UBTD2: variants seen among roughly 807,000 people sequenced by gnomAD.
UBTD2 encodes ubiquitin domain-containing protein 2.
A neutral mutation model predicts 19.8 loss-of-function variants in UBTD2; 9 were observed. That is an observed-to-expected ratio of 0.46 (90% CI 0.27 to 0.79). The LOEUF is 0.79. Among genes scored for constraint, UBTD2 ranks in the 30% least tolerant of loss-of-function variants. The pLI is 0.14. For synonymous variants in UBTD2, 98 were observed against 103.9 expected (o/e 0.94, Z 0.35); for missense variants, 250 against 300.4 (o/e 0.83, Z 1.24).
At chr5:172,234,959 G>A (rs543589363) in intron 1 of UBTD2, among the ~76,000 whole-genome samples, 1 of 146,376 alleles carries the variant, frequency 6.8e-6, no homozygotes, top group African/African-American at 2.5e-5. Flanking sequence ...TGTAATGAAT[G>A]TACCACTCTG....
In UBTD2 at chr5:172,254,848, T is replaced by C. The variant is rs1179744357; in HGVS notation, c.71-20490A>G. 1.3e-5 allele frequency: 7 copies of C among 542,420 alleles called. No homozygotes were observed. The African/African-American group carries it at 1.4e-4, about 11-fold the overall frequency. 33.6% of individuals were successfully genotyped at this position (542,420 alleles called of 1,614,324 possible). On this transcript the variant is annotated intron_variant, in intron 1 of 2. Coordinates refer to ENST00000393792, the MANE Select transcript of UBTD2 (RefSeq NM_152277.3). ...TTTTCTCTGGTACAGGATTTTCTTA[T>C]GATTCAATTACAGGTACTTGCATGC...
intron 1 of UBTD2, among the ~76,000 whole-genome samples, chr5:172,251,465 C>CAAAAAAAAAAAAAAAAAAAAAAAAA: frequency 1.1e-5 from 1 of 91,954 alleles, no homozygotes; most frequent in Non-Finnish European, 2.2e-5. Flanking sequence ...TCAAACTGTC[C>CAAAAAAAAAAAAAAAAAAAAAAAAA]AAAAAAAAAA....
At position 172,211,177 on chromosome 5, in the gene UBTD2, A is replaced by G. The variant is rs955407838; in HGVS notation, c.*653T>C. ...TGCCACTAATGTGCTGGAAGGCACC[A>G]AAATTTAGTGTGAATGTAAATAAGG... On this transcript the variant is annotated 3_prime_UTR_variant, in exon 3 of 3. Transcript: ENST00000393792. 1 of 152,218 alleles carries G rather than the reference A, an allele frequency of 6.6e-6. No homozygotes were observed. Among genetic ancestry groups the G allele is most frequent in the African/African-American group, 2.4e-5 (1 of 41,460 alleles). 9.4% of individuals were successfully genotyped at this position (152,218 alleles called of 1,614,324 possible). A position where few individuals can be genotyped will look rare whatever the true frequency, so the allele number is the denominator to read the frequency against.
intron 2 of UBTD2, among the ~76,000 whole-genome samples, chr5:172,224,705 G>T (rs552987538): frequency 1.3e-4 from 20 of 152,274 alleles, no homozygotes; most frequent in African/African-American, 1.9e-4. Context: ...CATCATGATT[G>T]TAAGTTTCCT....
intron 2 of UBTD2, 61 bp downstream of exon 2, chr5:172,234,061 T>G: frequency 6.4e-7 from 1 of 1,562,080 alleles, no homozygotes; most frequent in East Asian, 2.3e-5. Context: ...CCATTTGGTT[T>G]CTTGCTATCA....
At chr5:172,229,633 A>G (rs974798585) in intron 2 of UBTD2, among the ~76,000 whole-genome samples, 1 of 152,158 alleles carries the variant, frequency 6.6e-6, no homozygotes, top group Non-Finnish European at 1.5e-5. Context: ...AATATCAACA[A>G]CTACCTTTCT....
intron 1 of UBTD2, among the ~76,000 whole-genome samples, chr5:172,279,825 G>A (rs778121401): frequency 2.0e-5 from 3 of 152,138 alleles, no homozygotes; most frequent in African/African-American, 4.8e-5. Flanking sequence ...ATTCTAGTAC[G>A]GCGGAGAACC....
At chr5:172,266,788 A>G (rs1755388049) in intron 1 of UBTD2, among the ~76,000 whole-genome samples, 1 of 152,156 alleles carries the variant, frequency 6.6e-6, no homozygotes, top group African/African-American at 2.4e-5. Flanking sequence ...TGTGATCCCA[A>G]CACTTTGGGA....
intron 1 of UBTD2, chr5:172,255,395 C>T (rs1398334689): frequency 3.2e-5 from 16 of 494,110 alleles, no homozygotes; most frequent in South Asian, 1.8e-4. Context: ...ACAGGGTCCA[C>T]GGGCCTCTTG....
At chr5:172,281,450 G>A (rs892788830) in intron 1 of UBTD2, among the ~76,000 whole-genome samples, 3 of 152,118 alleles carry the variant, frequency 2.0e-5, no homozygotes, top group Non-Finnish European at 2.9e-5. Context: ...AGTGAGCTGT[G>A]ATCTGGCACT....
At chr5:172,257,265 CT>C (rs1326798406) in intron 1 of UBTD2, among the ~76,000 whole-genome samples, 1 of 152,208 alleles carries the variant, frequency 6.6e-6, no homozygotes, top group Non-Finnish European at 1.5e-5. Flanking sequence ...TGTTAATTCA[CT>C]TAGGATAATG....
intron 1 of UBTD2, among the ~76,000 whole-genome samples, chr5:172,258,224 C>T (rs4868153): frequency 0.11 from 16,679 of 152,254 alleles, 991 homozygotes; most frequent in Middle Eastern, 0.15. Flanking sequence ...TATGGCTAGC[C>T]AGTTATCCCA....
Position 172,219,007 on chromosome 5 carries a change from C to A in UBTD2, c.308-6780G>T, listed in dbSNP as rs572047711. On this transcript the variant is annotated intron_variant, in intron 2 of 2. Transcript: ENST00000393792. ...AAGGATAATAAAAGAATATTATGAA[C>A]AACTCTATGCCTACACATTTGATAA... 2.0e-5 allele frequency among the ~76,000 whole-genome samples: 3 copies of A among 152,102 alleles called. No homozygotes were observed. In the South Asian group the frequency reaches 6.2e-4, roughly 32 times the overall value.
chr5:172,253,320 T>C (rs1159279974), intron 1 of UBTD2, among the ~76,000 whole-genome samples: 1 of 152,250 alleles, frequency 6.6e-6, no homozygotes, highest in Non-Finnish European at 1.5e-5. Flanking sequence ...ACTATGCTCA[T>C]AAAAGCTTTG....
intron 1 of UBTD2, among the ~76,000 whole-genome samples, chr5:172,274,234 G>A (rs1008870917): frequency 1.7e-4 from 25 of 149,920 alleles, no homozygotes; most frequent in Non-Finnish European, 2.8e-4. Flanking sequence ...TCCACCTCCC[G>A]GGTTCAAGCG....
chr5:172,273,006 G>A (rs1755527781), intron 1 of UBTD2, among the ~76,000 whole-genome samples: 1 of 150,974 alleles, frequency 6.6e-6, no homozygotes, highest in South Asian at 2.1e-4. Context: ...GAACCCAGGA[G>A]ACAGAGGTTG....
At chr5:172,243,542 A>G (rs1193318040) in intron 1 of UBTD2, among the ~76,000 whole-genome samples, 1 of 144,028 alleles carries the variant, frequency 6.9e-6, no homozygotes, top group African/African-American at 2.6e-5. Context: ...AGCCTCCAGA[A>G]TTGTGAGAAA....
chr5:172,227,605 G>A (rs1010931770), intron 2 of UBTD2, among the ~76,000 whole-genome samples: 1 of 150,144 alleles, frequency 6.7e-6, no homozygotes, highest in Non-Finnish European at 1.5e-5. Context: ...GGATGGTCTC[G>A]ATCTCCTGAC....
intron 1 of UBTD2, among the ~76,000 whole-genome samples, chr5:172,264,125 C>A (rs921846652): frequency 6.6e-6 from 1 of 152,052 alleles, no homozygotes; most frequent in Non-Finnish European, 1.5e-5. Flanking sequence ...ATCACCCAGG[C>A]TGAAATGCAG....
Sources: allele counts gnomAD v4.1 joint callset (sites outside exome capture counted in the v4.1 genomes callset), GRCh38; gene constraint gnomAD v4.1.1; transcripts MANE v1.5; gene names NCBI Gene and HGNC (gene_info 2026-07-23, HGNC 2026-07-21).